Variants in MECOM observed in about 807,000 individuals in gnomAD.
The protein encoded by MECOM is histone-lysine N-methyltransferase MECOM.
In MECOM, 13 loss-of-function variants were observed where a neutral mutation model predicts 116.3. The ratio of observed to expected loss-of-function variants is 0.11; its 90% CI spans 0.07 to 0.18. MECOM has a LOEUF of 0.18. MECOM is among the 10% of genes least tolerant of loss of function. MECOM has a pLI of 1.00. For synonymous variants in MECOM, 528 were observed against 535.2 expected (o/e 0.99, Z 0.19); for missense variants, 1,299 against 1,509.0 (o/e 0.86, Z 2.31).
intron 2 of MECOM, among the ~76,000 whole-genome samples, chr3:169,268,066 C>T (rs1432765764): frequency 6.6e-6 from 1 of 152,084 alleles, no homozygotes. Flanking sequence ...CTATGATAAA[C>T]TCTATACAAA....
intron 2 of MECOM, chr3:169,146,507 G>A (rs747520391): frequency 4.6e-5 from 63 of 1,380,320 alleles, no homozygotes; most frequent in Non-Finnish European, 5.8e-5. Context: ...CCGGAGACGT[G>A]TCCAGACCGC....
intron 2 of MECOM, among the ~76,000 whole-genome samples, chr3:169,260,834 T>C (rs1757443130): frequency 6.6e-6 from 1 of 152,248 alleles, no homozygotes; most frequent in African/African-American, 2.4e-5. Context: ...GAAACAGATT[T>C]AGTTGTCACT....
chr3:169,156,741 G>A (rs1242618593), intron 2 of MECOM, among the ~76,000 whole-genome samples: 31 of 151,980 alleles, frequency 2.0e-4, no homozygotes, highest in Admixed American at 2.0e-3. Flanking sequence ...TTTACCATGG[G>A]CATATTCACA....
chr3:169,167,490 G>GTATTTATT (rs1374305866), intron 2 of MECOM, among the ~76,000 whole-genome samples: 2 of 151,894 alleles, frequency 1.3e-5, no homozygotes, highest in Non-Finnish European at 2.9e-5. Flanking sequence ...AGACACCATG[G>GTATTTATT]TATTTATTAT....
chr3:169,224,707 T>C (rs2149506666), intron 2 of MECOM, among the ~76,000 whole-genome samples: 1 of 152,336 alleles, frequency 6.6e-6, no homozygotes, highest in African/African-American at 2.4e-5. Context: ...TTTTGAATAG[T>C]TGGCCTGAGT....
intron 1 of MECOM, among the ~76,000 whole-genome samples, chr3:169,442,695 C>G (rs1049500131): frequency 6.6e-6 from 1 of 152,148 alleles, no homozygotes; most frequent in African/African-American, 2.4e-5. Context: ...GAAGAGTTTT[C>G]TAAAAGTGAG....
chr3:169,574,608 A>G (rs1764271371), intron 1 of MECOM, among the ~76,000 whole-genome samples: 1 of 152,192 alleles, frequency 6.6e-6, no homozygotes, highest in Non-Finnish European at 1.5e-5. Flanking sequence ...TTTAGAGCAA[A>G]ACCGACTTTC....
intron 1 of MECOM, among the ~76,000 whole-genome samples, chr3:169,484,453 A>T (rs1426399620): frequency 1.3e-5 from 2 of 151,828 alleles, no homozygotes; most frequent in African/African-American, 4.9e-5. Flanking sequence ...AAAGATATTT[A>T]TTTCTTTCCA....
chr3:169,533,960 A>T (rs1350421941), intron 1 of MECOM, among the ~76,000 whole-genome samples: 2 of 152,204 alleles, frequency 1.3e-5, no homozygotes, highest in Non-Finnish European at 2.9e-5. Flanking sequence ...GGGATGAAAT[A>T]AGTAAAGTTG....
chr3:169,243,259 T>TTG (rs1755116252), intron 2 of MECOM, among the ~76,000 whole-genome samples: 1 of 152,184 alleles, frequency 6.6e-6, no homozygotes. Flanking sequence ...CAAAGATGAT[T>TTG]TGTATGTGGC....
chr3:169,362,663 A>C (rs1374658317), intron 2 of MECOM, among the ~76,000 whole-genome samples: 1 of 152,002 alleles, frequency 6.6e-6, no homozygotes, highest in African/African-American at 2.4e-5. Context: ...AAGAGAAAGA[A>C]CAACTGACTG....
At chr3:169,517,675 C>T (rs1484720148) in intron 1 of MECOM, among the ~76,000 whole-genome samples, 1 of 152,072 alleles carries the variant, frequency 6.6e-6, no homozygotes, top group Non-Finnish European at 1.5e-5. Context: ...GTAGAAGAAC[C>T]CCTAAGCCAG....
At chr3:169,138,927 C>G (rs1422141377) in intron 3 of MECOM, among the ~76,000 whole-genome samples, 1 of 152,038 alleles carries the variant, frequency 6.6e-6, no homozygotes, top group Non-Finnish European at 1.5e-5. Flanking sequence ...TCTAGTGTCA[C>G]AGCAGTCTGA....
chr3:169,208,275 A>G (rs956665109), intron 2 of MECOM, among the ~76,000 whole-genome samples: 7 of 148,634 alleles, frequency 4.7e-5, no homozygotes, highest in Non-Finnish European at 1.0e-4. Context: ...GTATATATAC[A>G]CAATGTTATA....
intron 2 of MECOM, among the ~76,000 whole-genome samples, chr3:169,174,652 C>T (rs1018953480): frequency 2.0e-5 from 3 of 152,154 alleles, no homozygotes; most frequent in Non-Finnish European, 2.9e-5. Context: ...ATTTCTTGCA[C>T]ACTCTAAGAT....
intron 1 of MECOM, among the ~76,000 whole-genome samples, chr3:169,560,475 A>G (rs12629443): frequency 0.22 from 33,313 of 152,012 alleles, 4,683 homozygotes; most frequent in East Asian, 0.7. Context: ...TTTACTTTAT[A>G]AAAAATTTAT....
chr3:169,423,587 A>G (rs1348453599), intron 1 of MECOM, among the ~76,000 whole-genome samples: 1 of 152,188 alleles, frequency 6.6e-6, no homozygotes, highest in Non-Finnish European at 1.5e-5. Context: ...AATCAGATTT[A>G]TCACTGGATG....
Position 169,483,768 on chromosome 3 carries a change from C to G in MECOM, c.38-102244G>C. The G allele has an allele frequency of 2.5e-6, 4 of 1,610,290 alleles. No homozygotes were observed. In the South Asian group the frequency reaches 4.4e-5, roughly 18 times the overall value. ...GTTAGCAACTACGCGCAACCAGTCACGTAGATTATTCTTCTTCAAATATTT... is the reference window on the plus strand; with the variant it reads ...GTTAGCAACTACGCGCAACCAGTCAGGTAGATTATTCTTCTTCAAATATTT... On this transcript the variant is annotated intron_variant, in intron 1 of 16. Coordinates refer to ENST00000651503, the MANE Select transcript of MECOM (RefSeq NM_004991.4).
intron 2 of MECOM, among the ~76,000 whole-genome samples, chr3:169,233,668 C>A (rs1433628610): frequency 1.3e-5 from 2 of 152,072 alleles, no homozygotes; most frequent in East Asian, 3.8e-4. Flanking sequence ...GCCAGTGAAA[C>A]CAGCTTTTAG....
Sources: gnomAD v4.1 joint callset for allele counts (sites outside exome capture counted in the v4.1 genomes callset) on GRCh38, gnomAD v4.1.1 for gene constraint, MANE v1.5 for transcripts, NCBI Gene and HGNC (gene_info 2026-07-23, HGNC 2026-07-21) for gene names.